The following PLEKHA8 variants were observed in gnomAD, a reference collection of about 807,000 sequenced individuals.
The protein encoded by PLEKHA8 is pleckstrin homology domain containing A8.
In PLEKHA8, 36 loss-of-function variants were observed where a neutral mutation model predicts 68.2. That is an observed-to-expected ratio of 0.53 (90% CI 0.40 to 0.70). The LOEUF (loss-of-function observed/expected upper bound fraction) is 0.70. Ranked by LOEUF, PLEKHA8 falls within the 30% of genes least tolerant of loss-of-function variation. The probability of loss-of-function intolerance (pLI) is 0.00; values close to 1 mark genes in which losing one functional copy is unlikely to be tolerated. For synonymous variants in PLEKHA8, 211 were observed against 216.1 expected, an observed-to-expected ratio of 0.98 and a Z score of 0.20; for missense variants, 505 against 615.4, an observed-to-expected ratio of 0.82 and a Z score of 1.90.
chr7:30,081,456 G>A lies in PLEKHA8; in HGVS notation c.*2669G>A, dbSNP rs1467774164. 1 of 984,920 alleles carries A rather than the reference G, an allele frequency of 1.0e-6. No individual in the cohort carries two copies. The highest frequency in any genetic ancestry group is 1.2e-6 in the Non-Finnish European group (1 of 829,514). The allele number at this position is 984,920 out of a possible 1,614,324, so 61.0% of individuals were successfully genotyped here. On this transcript the variant is annotated 3_prime_UTR_variant, in exon 14 of 14. Transcript: ENST00000449726. ...GTCAGAGCTTCCTCCTACATCTAAA[G>A]TATTTGCTCTCTGTTTTAGTTAAAG...
Position 30,123,931 on chromosome 7 carries a change from C to G in PLEKHA8, c.1363-5335C>G, listed in dbSNP as rs116184048. Among the ~76,000 whole-genome samples the G allele has an allele frequency of 1.4e-3, 218 of 152,354 alleles. 1 individual carries two copies. Among genetic ancestry groups the G allele is most frequent in the African/African-American group, 5.1e-3 (212 of 41,582 alleles). On this transcript the variant is annotated intron_variant, in intron 13 of 13. Transcript: ENST00000396257. ...AACCAAGTGAGGTATAATACCAAAA[C>G]ATTGATGGCTAATCCTAGTTTAACT... is the stretch of plus-strand genomic sequence containing the variant.
intron 13 of PLEKHA8, among the ~76,000 whole-genome samples, chr7:30,104,930 C>A (rs1353084896): frequency 6.6e-6 from 1 of 151,816 alleles, no homozygotes; most frequent in Non-Finnish European, 1.5e-5. Context: ...ACCATATTGG[C>A]AAGGCTGGTC....
chr7:30,061,703 A>T (rs1793450177), intron 10 of PLEKHA8, among the ~76,000 whole-genome samples, 194 bp from the exon 11 acceptor site: 1 of 152,228 alleles, frequency 6.6e-6, no homozygotes, highest in Non-Finnish European at 1.5e-5. Flanking sequence ...CCCTGAGACT[A>T]TTTAATTCCA....
Position 30,062,708 on chromosome 7 carries a change from G to A in PLEKHA8, c.1266G>A (p.Val422=), listed in dbSNP as rs1247127234. Residue 422 remains valine, a synonymous_variant, in exon 12 of 14, where the codon GTG becomes GTA. Transcript: ENST00000449726. ...LKFLKGFLTE[V]KNGEKDIQTA... ...TTTTGAAGGGATTTTTGACAGAAGT[G>A]AAAAATGGGGAGAAGGATATCCAGA... is the stretch of plus-strand genomic sequence containing the variant. 2.5e-6 allele frequency: 4 copies of A among 1,613,020 alleles called. No individual in the cohort carries two copies. Among genetic ancestry groups the A allele is most frequent in the Admixed American group, 1.7e-5 (1 of 59,932 alleles).
At chr7:30,056,742 AGTGTG>A (rs369783045) in intron 9 of PLEKHA8, among the ~76,000 whole-genome samples, 16,920 of 74,418 alleles carry the variant, frequency 0.23, 3,046 homozygotes, top group East Asian at 0.42. Context: ...AAAAAAAAAA[AGTGTG>A]TGTGTGTGTG....
intron 13 of PLEKHA8, among the ~76,000 whole-genome samples, chr7:30,125,433 G>C (rs1796756675): frequency 6.6e-6 from 1 of 152,172 alleles, no homozygotes; most frequent in Non-Finnish European, 1.5e-5. Flanking sequence ...TGGAAGCCAA[G>C]GAGCATCTGG....
chr7:30,040,148 T>C (rs1048825215), intron 1 of PLEKHA8, among the ~76,000 whole-genome samples: 2 of 152,256 alleles, frequency 1.3e-5, no homozygotes, highest in African/African-American at 4.8e-5. Context: ...TTAGAGCTTT[T>C]GTGTTTGCAG....
chr7:30,043,879 G>A (rs564811921), intron 1 of PLEKHA8, among the ~76,000 whole-genome samples: 2 of 152,254 alleles, frequency 1.3e-5, no homozygotes, highest in African/African-American at 4.8e-5. Context: ...AGCAGCCCTT[G>A]GGGCTCTGCC....
At chr7:30,126,507 C>G (rs986131727) in intron 13 of PLEKHA8, among the ~76,000 whole-genome samples, 19 of 152,162 alleles carry the variant, frequency 1.2e-4, no homozygotes, top group Admixed American at 5.2e-4. Context: ...TTTTGTTTCA[C>G]TGTTCTATAG....
Position 30,080,260 on chromosome 7 carries a change from G to A in PLEKHA8, c.*1473G>A. 1 of 985,398 alleles carries A rather than the reference G, an allele frequency of 1.0e-6. No homozygotes were observed. Among genetic ancestry groups the A allele is most frequent in the Non-Finnish European group, 1.2e-6 (1 of 829,926 alleles). The allele number at this position is 985,398 out of a possible 1,614,324, so 61.0% of individuals were successfully genotyped here. ...TGGGCATTCTTCTGCACAGTGTGAT[G>A]CTCCAACCCTGGCCCTAGTCTCAGT... is the stretch of plus-strand genomic sequence containing the variant. On this transcript the variant is annotated 3_prime_UTR_variant, in exon 14 of 14. Transcript: ENST00000449726.
At chr7:30,118,129 T>C (rs1796626872) in intron 13 of PLEKHA8, 3 of 1,036,976 alleles carry the variant, frequency 2.9e-6, no homozygotes, top group African/African-American at 1.7e-5. Flanking sequence ...ATGCCTCTCC[T>C]GGGCCAGGAT....
At chr7:30,048,079 C>T in intron 4 of PLEKHA8, 123 bp downstream of exon 4, 4 of 518,982 alleles carry the variant, frequency 7.7e-6, no homozygotes, top group Non-Finnish European at 1.1e-5. Context: ...CTAAAAAGCA[C>T]CAGACGTTGC....
intron 6 of PLEKHA8, 45 bp downstream of exon 6, chr7:30,050,519 G>A: frequency 6.7e-7 from 1 of 1,493,344 alleles, no homozygotes; most frequent in South Asian, 1.3e-5. Flanking sequence ...AAAAAAATAA[G>A]GATATTGTTA....
chr7:30,046,386 G>A (rs1002422301), intron 3 of PLEKHA8, 21 bp downstream of exon 3: 2 of 1,557,184 alleles, frequency 1.3e-6, no homozygotes, highest in Non-Finnish European at 1.7e-6. Flanking sequence ...ATTGTCCTTT[G>A]CTGTGGAAAC....
At chr7:30,093,542 C>T (rs984042166), downstream of PLEKHA8, among the ~76,000 whole-genome samples, 1 of 152,220 alleles carries the variant, frequency 6.6e-6, no homozygotes, top group Non-Finnish European at 1.5e-5. Flanking sequence ...CTGCCACACC[C>T]TCACCATGGG....
At chr7:30,093,536 C>T (rs1485530834), downstream of PLEKHA8, among the ~76,000 whole-genome samples, 1 of 152,226 alleles carries the variant, frequency 6.6e-6, no homozygotes, top group African/African-American at 2.4e-5. Context: ...CCAGCACTGC[C>T]ACACCCTCAC....
chr7:30,095,333 G>A (rs1201570717), downstream of PLEKHA8, among the ~76,000 whole-genome samples: 1 of 152,214 alleles, frequency 6.6e-6, no homozygotes, highest in African/African-American at 2.4e-5. Context: ...CTTTTGGGAA[G>A]TGTCTGTTCA....
At chr7:30,125,685 G>A (rs1459213286) in intron 13 of PLEKHA8, among the ~76,000 whole-genome samples, 1 of 151,996 alleles carries the variant, frequency 6.6e-6, no homozygotes, top group African/African-American at 2.4e-5. Flanking sequence ...TTTTTAATTT[G>A]AATTTACTAT....
intron 1 of PLEKHA8, among the ~76,000 whole-genome samples, chr7:30,035,850 G>A (rs1292885809): frequency 1.3e-5 from 2 of 151,932 alleles, no homozygotes; most frequent in African/African-American, 4.8e-5. Flanking sequence ...GTTTCACCAT[G>A]TTGGCTAGGC....
Sources: gnomAD v4.1 joint callset for allele counts (sites outside exome capture counted in the v4.1 genomes callset) on GRCh38, gnomAD v4.1.1 for gene constraint, MANE v1.5 for transcripts, NCBI Gene and HGNC (gene_info 2026-07-23, HGNC 2026-07-21) for gene names.